RILPL1: variants seen among roughly 807,000 people sequenced by gnomAD.
RILPL1 encodes the protein Rab interacting lysosomal protein like 1, also known as RILP-like protein 1.
RILPL1 carries 33 observed loss-of-function variants against 50.3 expected under a neutral mutation model. That is an observed-to-expected ratio of 0.66 (90% CI 0.50 to 0.88). The LOEUF is 0.88. Among genes scored for constraint, RILPL1 ranks in the 40% least tolerant of loss-of-function variants. The probability of loss-of-function intolerance (pLI) is 0.00; values close to 1 mark genes in which losing one functional copy is unlikely to be tolerated. For missense variants in RILPL1, 418 were observed against 542.5 expected, an observed-to-expected ratio of 0.77 and a Z score of 2.28; for synonymous variants, 205 against 228.6, an observed-to-expected ratio of 0.90 and a Z score of 0.93.
intron 2 of RILPL1, chr12:123,513,290 G>C (rs1884494256): frequency 3.2e-6 from 1 of 310,908 alleles, no homozygotes; most frequent in Admixed American, 3.9e-5. Flanking sequence ...AACTCCTCCC[G>C]ACCCCCCGCC....
At chr12:123,512,025 TA>T (rs1884312576) in intron 2 of RILPL1, among the ~76,000 whole-genome samples, 1 of 123,208 alleles carries the variant, frequency 8.1e-6, no homozygotes, top group Admixed American at 8.6e-5. Context: ...TCTGTGTGTG[TA>T]GTGTGTGAGG....
At chr12:123,515,340 T>G (rs949807939) in intron 2 of RILPL1, 1 of 151,774 alleles carries the variant, frequency 6.6e-6, no homozygotes, top group Non-Finnish European at 1.5e-5. Flanking sequence ...AAGGGAAGGT[T>G]TTCCCTCTGG....
intron 2 of RILPL1, among the ~76,000 whole-genome samples, chr12:123,521,619 G>GTC (rs1555269615): frequency 1.1e-5 from 1 of 89,138 alleles, no homozygotes; most frequent in African/African-American, 5.3e-5. Context: ...ACACATATGT[G>GTC]TATATATATA....
At chr12:123,514,984 G>GC in intron 2 of RILPL1, among the ~76,000 whole-genome samples, 1 of 151,026 alleles carries the variant, frequency 6.6e-6, no homozygotes. Flanking sequence ...AGGCTGGAGT[G>GC]CAGTGGTGCA....
At chr12:123,503,186 CTTTTTTTTTTTTTTTTTTTT>C (rs373514624) in intron 2 of RILPL1, among the ~76,000 whole-genome samples, 11 of 80,738 alleles carry the variant, frequency 1.4e-4, no homozygotes, top group African/African-American at 2.2e-4. Context: ...CACGCCTGGC[CTTTTTTTTTTTTTTTTTTTT>C]TTTTTTTTTT....
At chr12:123,477,739 C>T (rs1324110005) in intron 6 of RILPL1, among the ~76,000 whole-genome samples, 3 of 152,126 alleles carry the variant, frequency 2.0e-5, no homozygotes, top group Non-Finnish European at 4.4e-5. Flanking sequence ...CTACCGGACA[C>T]AGTTAGCTTT....
chr12:123,500,949 A>C (rs963292317), intron 2 of RILPL1, among the ~76,000 whole-genome samples: 2 of 148,172 alleles, frequency 1.3e-5, no homozygotes, highest in African/African-American at 5.0e-5. Context: ...CTAAAAATAC[A>C]AAAAAAAAAT....
At chr12:123,472,868 C>G (rs758673770) in intron 6 of RILPL1, 186 bp from the exon 7 acceptor site, 18 of 608,012 alleles carry the variant, frequency 3.0e-5, no homozygotes, top group Non-Finnish European at 4.6e-5. Context: ...TTCTGCGTGT[C>G]ATTTGGACAC....
intron 1 of RILPL1, among the ~76,000 whole-genome samples, chr12:123,528,711 C>A (rs1593611013): frequency 6.6e-6 from 1 of 152,256 alleles, no homozygotes; most frequent in East Asian, 1.9e-4. Flanking sequence ...CAGGCTTGAG[C>A]CACCGCGCCC....
intron 6 of RILPL1, among the ~76,000 whole-genome samples, chr12:123,478,247 C>T (rs796667963): frequency 1.3e-5 from 2 of 151,898 alleles, no homozygotes; most frequent in Non-Finnish European, 2.9e-5. Flanking sequence ...GCGATCCCCC[C>T]ACCTCGGCCT....
intron 2 of RILPL1, among the ~76,000 whole-genome samples, chr12:123,508,724 C>T (rs1820241079): frequency 6.6e-6 from 1 of 152,106 alleles, no homozygotes; most frequent in African/African-American, 2.4e-5. Flanking sequence ...AATGTTAAGG[C>T]CGGGCACAGT....
chr12:123,524,478 G>C (rs147735831), intron 1 of RILPL1, among the ~76,000 whole-genome samples: 1 of 152,234 alleles, frequency 6.6e-6, no homozygotes, highest in Non-Finnish European at 1.5e-5. Context: ...ATGAAAACGC[G>C]TGCAGGTGAA....
chr12:123,512,908 GTGTA>G (rs563275292), intron 2 of RILPL1, among the ~76,000 whole-genome samples: 13 of 125,170 alleles, frequency 1.0e-4, no homozygotes, highest in African/African-American at 3.1e-4. Flanking sequence ...GTGTGAGTGC[GTGTA>G]TGTGTGTGGT....
intron 1 of RILPL1, among the ~76,000 whole-genome samples, chr12:123,531,254 G>C (rs1468900858): frequency 6.6e-6 from 1 of 152,148 alleles, no homozygotes; most frequent in African/African-American, 2.4e-5. Flanking sequence ...CCCTGGCCCT[G>C]AGCGCACGGT....
intron 2 of RILPL1, among the ~76,000 whole-genome samples, chr12:123,511,486 GGTCTGTAT>G (rs1464330993): frequency 1.4e-5 from 2 of 142,418 alleles, no homozygotes; most frequent in Non-Finnish European, 3.1e-5. Flanking sequence ...TGGTGTGTGA[GGTCTGTAT>G]GTGTGTATGT....
At position 123,485,630 on chromosome 12, in the gene RILPL1, T is replaced by C. The variant is rs1009472894; in HGVS notation, c.974+3A>G. The C allele has an allele frequency of 6.2e-7, 1 of 1,613,446 alleles. No homozygotes were observed. The highest frequency in any genetic ancestry group is 8.5e-7 in the Non-Finnish European group (1 of 1,179,640). The stretch of plus-strand genomic sequence containing the variant: ...CGGGCCATCCAGCCCCAGGGACACT[T>C]GCCTCTTATAGTAAGCCAGCTCCTC... On this transcript the variant is annotated splice_donor_region_variant and intron_variant, in intron 5 of 6. Coordinates refer to ENST00000376874, the MANE Select transcript of RILPL1 (RefSeq NM_178314.5). The surrounding 1 kb of genome is among the most constrained non-coding windows in gnomAD (Gnocchi z 4.0).
chr12:123,511,211 T>C, intron 2 of RILPL1, among the ~76,000 whole-genome samples: 1 of 146,346 alleles, frequency 6.8e-6, no homozygotes, highest in East Asian at 2.1e-4. Flanking sequence ...GGTCTGTATG[T>C]GTGTGTGTGG....
chr12:123,487,495 C>T (rs1163789182), intron 4 of RILPL1, among the ~76,000 whole-genome samples: 2 of 152,058 alleles, frequency 1.3e-5, no homozygotes, highest in South Asian at 2.1e-4. Context: ...TTTGTAGAGA[C>T]GGGGTTTTAC....
intron 1 of RILPL1, among the ~76,000 whole-genome samples, chr12:123,527,343 A>T (rs1885297501): frequency 6.7e-6 from 1 of 149,528 alleles, no homozygotes. Flanking sequence ...TTTTTTTATA[A>T]AAAAGGCTCT....
Sources: gnomAD v4.1 joint callset for allele counts (sites outside exome capture counted in the v4.1 genomes callset) on GRCh38, gnomAD v4.1.1 for gene constraint, Gnocchi (gnomAD v3.1) non-coding constraint, MANE v1.5 for transcripts, NCBI Gene and HGNC (gene_info 2026-07-23, HGNC 2026-07-21) for gene names.